RBM39: variants seen among roughly 807,000 people sequenced by gnomAD.
RBM39 encodes the protein RNA-binding protein 39.
In RBM39, 12 loss-of-function variants were observed where a neutral mutation model predicts 79.6. That is an observed-to-expected ratio of 0.15 (90% confidence interval 0.10 to 0.24). The LOEUF is 0.24. Ranked by LOEUF, RBM39 falls within the 10% of genes least tolerant of loss-of-function variation. The probability of loss-of-function intolerance (pLI) is 1.00; values close to 1 mark genes in which losing one functional copy is unlikely to be tolerated. For synonymous variants in RBM39, 185 were observed against 208.4 expected (o/e 0.89, Z 0.97); for missense variants, 243 against 653.4 (o/e 0.37, Z 6.85).
At chr20:35,737,073 A>G (rs1368651710) in intron 3 of RBM39, among the ~76,000 whole-genome samples, 2 of 150,478 alleles carry the variant, frequency 1.3e-5, no homozygotes, top group African/African-American at 2.4e-5. Flanking sequence ...CCTGGCCAAC[A>G]TCGTGAAACC....
intron 12 of RBM39, among the ~76,000 whole-genome samples, chr20:35,711,721 G>GA (rs1255521261): frequency 6.6e-6 from 1 of 152,164 alleles, no homozygotes; most frequent in African/African-American, 2.4e-5. Context: ...TACTTTAATT[G>GA]AATATTGAGC....
chr20:35,739,246 AAC>A (rs1441816674), intron 2 of RBM39: 2 of 556,120 alleles, frequency 3.6e-6, no homozygotes, highest in Middle Eastern at 4.7e-4. Flanking sequence ...TTTCCATATT[AAC>A]ATGTTAAATT....
At position 35,740,266 on chromosome 20, in the gene RBM39, C is replaced by A. The variant is rs770900669; in HGVS notation, c.51+558G>T. On this transcript the variant is annotated intron_variant, in intron 2 of 16. Coordinates refer to ENST00000253363, the MANE Select transcript of RBM39 (RefSeq NM_184234.3). ...TAATTATTAACTGAGCAGCAGATTG[C>A]CACTGGACTGTTTTAAGATTTACTA... 2.7e-5 allele frequency: 5 copies of A among 186,356 alleles called. No individual in the cohort carries two copies. The South Asian group carries it at 4.0e-4, about 15-fold the overall frequency. The allele number at this position is 186,356 out of a possible 1,614,324, so 11.5% of individuals were successfully genotyped here.
intron 12 of RBM39, among the ~76,000 whole-genome samples, chr20:35,712,465 CG>C (rs1568999098): frequency 1.8e-5 from 1 of 56,158 alleles, no homozygotes; most frequent in East Asian, 6.7e-4. Flanking sequence ...AAAAAGGGGG[CG>C]GGGGGTTGGG....
At chr20:35,722,000 A>T (rs549448764) in intron 8 of RBM39, 123 bp from the exon 9 acceptor site, 1 of 1,100,030 alleles carries the variant, frequency 9.1e-7, no homozygotes, top group African/African-American at 1.6e-5. Flanking sequence ...TACGTAAGTC[A>T]GATACTACAT....
intron 7 of RBM39, 40 bp downstream of exon 7, chr20:35,724,998 A>G (rs1257727481): frequency 1.5e-6 from 2 of 1,375,404 alleles, no homozygotes; most frequent in East Asian, 2.3e-5. Flanking sequence ...TTCTCTTGCA[A>G]TTTCTACCTA....
At chr20:35,718,139 A>AT (rs2037400656) in intron 9 of RBM39, among the ~76,000 whole-genome samples, 2 of 152,022 alleles carry the variant, frequency 1.3e-5, no homozygotes, top group South Asian at 4.2e-4. Context: ...GATTACAGGC[A>AT]TGAGCCACTG....
In RBM39 at chr20:35,703,418, TAC is replaced by T. The variant is rs1312511249; in HGVS notation, c.*1061_*1062del. The T allele has an allele frequency of 6.6e-6, 1 of 152,160 alleles. No homozygotes were observed. The highest frequency in any genetic ancestry group is 1.5e-5 in the Non-Finnish European group (1 of 68,038). 9.4% of individuals were successfully genotyped at this position (152,160 alleles called of 1,614,324 possible). A position where few individuals can be genotyped will look rare whatever the true frequency, so the allele number is the denominator to read the frequency against. On this transcript the variant is annotated 3_prime_UTR_variant, in exon 17 of 17. Transcript: ENST00000253363. The stretch of plus-strand genomic sequence containing the variant: ...TTTTTGGTAAACCCCTCAGTTTTGA[TAC>T]ATTCTTCTAAAATACACAGGGCTAG...
At chr20:35,738,587 A>G (rs2040221122) in intron 3 of RBM39, among the ~76,000 whole-genome samples, 1 of 152,222 alleles carries the variant, frequency 6.6e-6, no homozygotes, top group Admixed American at 6.5e-5. Context: ...AATACTTTCC[A>G]TGGCCTAGTT....
At position 35,702,511 on chromosome 20, in the gene RBM39, A is replaced by G. The variant is rs1275883048; in HGVS notation, c.*1970T>C. The G allele has an allele frequency of 2.6e-5, 4 of 151,874 alleles. No homozygotes were observed. In the South Asian group the frequency reaches 6.2e-4, roughly 24 times the overall value. 9.4% of individuals were successfully genotyped at this position (151,874 alleles called of 1,614,324 possible). A position where few individuals can be genotyped will look rare whatever the true frequency, so the allele number is the denominator to read the frequency against. On this transcript the variant is annotated 3_prime_UTR_variant, in exon 17 of 17. Coordinates refer to ENST00000253363, the MANE Select transcript of RBM39 (RefSeq NM_184234.3). Reference sequence around the variant, plus strand: ...TGCTGGTCCAGTTCCCTAGAAAGCAATGACACAACAAATTTGTTAGGAAGA... The same window carrying G: ...TGCTGGTCCAGTTCCCTAGAAAGCAGTGACACAACAAATTTGTTAGGAAGA...
chr20:35,739,196 T>G, intron 2 of RBM39, 179 bp from the exon 3 acceptor site: 2 of 646,206 alleles, frequency 3.1e-6, no homozygotes, highest in Non-Finnish European at 5.5e-6. Context: ...ACCACTTTGT[T>G]GCTTACATTT....
chr20:35,733,434 C>A (rs1274427734), intron 3 of RBM39, among the ~76,000 whole-genome samples: 1 of 151,958 alleles, frequency 6.6e-6, no homozygotes, highest in African/African-American at 2.4e-5. Context: ...ACGGTGAAAA[C>A]CCATCTCTAC....
intron 12 of RBM39, among the ~76,000 whole-genome samples, 192 bp from the exon 13 acceptor site, chr20:35,709,466 T>C (rs2036135033): frequency 6.6e-6 from 1 of 152,152 alleles, no homozygotes; most frequent in South Asian, 2.1e-4. Context: ...CCTGGGAAAC[T>C]TACTTTTCCC....
At chr20:35,711,696 A>G (rs1001537739) in intron 12 of RBM39, among the ~76,000 whole-genome samples, 9 of 152,190 alleles carry the variant, frequency 5.9e-5, no homozygotes, top group Admixed American at 1.3e-4. Flanking sequence ...AAATGTAAAA[A>G]CAAAAGTCGT....
At chr20:35,723,122 G>C (rs559321637) in intron 8 of RBM39, among the ~76,000 whole-genome samples, 1 of 151,376 alleles carries the variant, frequency 6.6e-6, no homozygotes, top group Non-Finnish European at 1.5e-5. Flanking sequence ...TGGTATAACC[G>C]AACGTAGTTG....
chr20:35,734,362 C>A, intron 3 of RBM39: 1 of 550,290 alleles, frequency 1.8e-6, no homozygotes. Flanking sequence ...CTCATCAAAG[C>A]CATGCCCAGA....
intron 2 of RBM39, chr20:35,740,399 G>A: frequency 2.4e-6 from 1 of 421,368 alleles, no homozygotes; most frequent in African/African-American, 2.1e-5. Flanking sequence ...TGTTATTCTT[G>A]GACCCCTGCT....
chr20:35,725,243 G>A (rs1046686346), intron 6 of RBM39, 88 bp from the exon 7 acceptor site: 1 of 921,106 alleles, frequency 1.1e-6, no homozygotes, highest in Non-Finnish European at 1.6e-6. Flanking sequence ...AGTTCAACAG[G>A]TTTTCAGGTA....
At position 35,705,161 on chromosome 20, in the gene RBM39, A is replaced by G; in HGVS notation, c.1413+64T>C. Reference sequence around the variant, plus strand: ...CGGTTAACCATAACATGCACCACATAATGTGCGAAGATTAAGGTAGAGACG... The same window carrying G: ...CGGTTAACCATAACATGCACCACATGATGTGCGAAGATTAAGGTAGAGACG... On this transcript the variant is annotated intron_variant, in intron 15 of 16. Coordinates refer to ENST00000253363, the MANE Select transcript of RBM39 (RefSeq NM_184234.3). 12 of 940,660 alleles carry G rather than the reference A, an allele frequency of 1.3e-5. No homozygotes were observed. In the South Asian group the frequency reaches 1.8e-4, roughly 14 times the overall value. The allele number at this position is 940,660 out of a possible 1,614,324, so 58.3% of individuals were successfully genotyped here.
Sources: gnomAD v4.1 joint callset for allele counts (sites outside exome capture counted in the v4.1 genomes callset) on GRCh38, gnomAD v4.1.1 for gene constraint, MANE v1.5 for transcripts, NCBI Gene and HGNC (gene_info 2026-07-23, HGNC 2026-07-21) for gene names.